SYTL3: variants seen among roughly 807,000 people sequenced by gnomAD.
SYTL3 encodes synaptotagmin-like protein 3.
SYTL3 carries 88 observed loss-of-function variants against 82.1 expected under a neutral mutation model. The observed-to-expected ratio is 1.07, with a 90% CI of 0.90 to 1.28. The LOEUF (loss-of-function observed/expected upper bound fraction) is 1.28. Ranked by LOEUF, SYTL3 falls within the 50% of genes most tolerant of loss-of-function variation. The pLI is 0.00. For synonymous variants in SYTL3, 311 were observed against 289.4 expected (o/e 1.07, Z -0.76); for missense variants, 831 against 757.6 (o/e 1.10, Z -1.14).
At chr6:158,658,581 C>T (rs958628902) in intron 2 of SYTL3, among the ~76,000 whole-genome samples, 5 of 152,130 alleles carry the variant, frequency 3.3e-5, no homozygotes, top group African/African-American at 4.8e-5. Context: ...CCTCTTGGAT[C>T]GTTGCAAAAA....
intron 16 of SYTL3, 42 bp from the exon 17 acceptor site, chr6:158,763,262 G>T (rs373723948): frequency 5.0e-6 from 8 of 1,592,222 alleles, no homozygotes; most frequent in Non-Finnish European, 6.9e-6. Flanking sequence ...AGAGAAGGCC[G>T]TGTGGATGGC....
chr6:158,752,638 A>G (rs1254380431), intron 13 of SYTL3, among the ~76,000 whole-genome samples: 3 of 152,226 alleles, frequency 2.0e-5, no homozygotes, highest in African/African-American at 7.2e-5. Context: ...GAGGTCTGGT[A>G]TCTGCAGAGA....
At chr6:158,668,750 A>G (rs541904621) in intron 5 of SYTL3, among the ~76,000 whole-genome samples, 8 of 152,290 alleles carry the variant, frequency 5.3e-5, no homozygotes, top group Admixed American at 2.0e-4. Flanking sequence ...GTGATGGAGA[A>G]TGGGAGAGAC....
At chr6:158,730,028 C>A (rs1785211377) in intron 11 of SYTL3, among the ~76,000 whole-genome samples, 1 of 152,132 alleles carries the variant, frequency 6.6e-6, no homozygotes, top group African/African-American at 2.4e-5. Context: ...GGAATAAGTA[C>A]ATTCTGTGTC....
At position 158,760,741 on chromosome 6, in the gene SYTL3, A is replaced by G. The variant is rs775383709; in HGVS notation, c.1410A>G (p.Gln470=). The G allele has an allele frequency of 1.2e-6, 2 of 1,613,142 alleles. No individual in the cohort carries two copies. Among genetic ancestry groups the G allele is most frequent in the Non-Finnish European group, 1.7e-6 (2 of 1,179,218 alleles). Residue 470 remains glutamine, a synonymous_variant, in exon 15 of 18, where the codon CAA becomes CAG. Coordinates refer to ENST00000611299, the MANE Select transcript of SYTL3 (RefSeq NM_001242394.2). ...GGCCCAGAAAACTCCAAGAGGCTCA[A>G]GAAGGTCAGTGGCCTCCAGCTCCCT... is the stretch of plus-strand genomic sequence containing the variant. ...PSRPRKLQEA[Q]EGTDQPSLHG... is the part of the protein sequence containing the mutation.
At chr6:158,730,092 C>G (rs181145104) in intron 11 of SYTL3, among the ~76,000 whole-genome samples, 3 of 152,332 alleles carry the variant, frequency 2.0e-5, no homozygotes, top group Admixed American at 2.0e-4. Flanking sequence ...CACATTCCAG[C>G]TTGCAGCCTA....
In SYTL3 at chr6:158,745,515, G is replaced by T; in HGVS notation, c.891G>T (p.Glu297Asp). The T allele has an allele frequency of 6.2e-7, 1 of 1,613,384 alleles. No homozygotes were observed. Among genetic ancestry groups the T allele is most frequent in the Non-Finnish European group, 8.5e-7 (1 of 1,179,870 alleles). ...SLISIDSTCT[E>D]MGNFDNANVT... Reference sequence around the variant, plus strand: ...TTAGCATTGACAGCACCTGTACAGAGATGGGCAATTTTGACAATGCTAATG... The same window carrying T: ...TTAGCATTGACAGCACCTGTACAGATATGGGCAATTTTGACAATGCTAATG... The change falls in exon 12 of 18, where the codon GAG (glutamate) becomes GAT (aspartate). Residue 297 changes from glutamate to aspartate, a missense_variant. Glu to Asp is a conservative substitution (Grantham distance 45, BLOSUM62 2). Transcript: ENST00000611299.
At chr6:158,697,333 C>G (rs978739985) in intron 6 of SYTL3, among the ~76,000 whole-genome samples, 5 of 151,184 alleles carry the variant, frequency 3.3e-5, no homozygotes, top group Admixed American at 1.3e-4. Context: ...GCCTGTGGTC[C>G]CAGCTACTTG....
Position 158,682,920 on chromosome 6 carries a change from T to G in SYTL3, c.330-5T>G. On this transcript the variant is annotated splice_polypyrimidine_tract_variant and splice_region_variant and intron_variant, in intron 5 of 17. Transcript: ENST00000611299. ...CTGAAGCTTCCTTTCTGCTCATTTT[T>G]TCAGGAATGTCAAAATAAAAACTGG... 6.2e-7 allele frequency: 1 copy of G among 1,611,838 alleles called. No homozygotes were observed.
At chr6:158,662,525 C>T (rs1372139014) in intron 3 of SYTL3, among the ~76,000 whole-genome samples, 4 of 152,194 alleles carry the variant, frequency 2.6e-5, no homozygotes, top group Non-Finnish European at 5.9e-5. Flanking sequence ...TTTACGTCCT[C>T]TGACCACTAA....
chr6:158,694,620 A>G (rs187086656), intron 6 of SYTL3, among the ~76,000 whole-genome samples: 86 of 152,298 alleles, frequency 5.6e-4, no homozygotes, highest in Admixed American at 3.4e-3. Context: ...TGATTTCATG[A>G]TGCCTTTGGC....
At chr6:158,648,397 C>G (rs1288321641), upstream of SYTL3, among the ~76,000 whole-genome samples, 2 of 151,964 alleles carry the variant, frequency 1.3e-5, no homozygotes, top group Admixed American at 1.3e-4. Context: ...CGAGACCATC[C>G]TGGCTAACAC....
intron 14 of SYTL3, among the ~76,000 whole-genome samples, chr6:158,758,048 C>T (rs1179718217): frequency 1.3e-5 from 2 of 152,110 alleles, no homozygotes; most frequent in Non-Finnish European, 2.9e-5. Flanking sequence ...CTCGGAGACG[C>T]TGCTTTGTAC....
At chr6:158,681,016 A>G (rs1028356151) in intron 5 of SYTL3, among the ~76,000 whole-genome samples, 33 of 152,202 alleles carry the variant, frequency 2.2e-4, no homozygotes, top group Admixed American at 6.5e-5. Flanking sequence ...ACTTGAGTTC[A>G]TGTATAGCCT....
chr6:158,656,448 G>A (rs780203480), intron 2 of SYTL3, among the ~76,000 whole-genome samples: 2 of 152,180 alleles, frequency 1.3e-5, no homozygotes, highest in Admixed American at 6.5e-5. Flanking sequence ...ATCCTTGGCC[G>A]GGTGCGATGG....
At chr6:158,760,924 C>T (rs1224707774) in intron 15 of SYTL3, among the ~76,000 whole-genome samples, 179 bp downstream of exon 15, 1 of 152,152 alleles carries the variant, frequency 6.6e-6, no homozygotes, top group African/African-American at 2.4e-5. Flanking sequence ...TCTCTGGAGC[C>T]CGTAGTGGGG....
rs1456644948 is a variant in SYTL3, at chr6:158,764,547, G to A, written c.1776G>A (p.Trp592Ter). The A allele has an allele frequency of 1.2e-6, 2 of 1,614,134 alleles. No homozygotes were observed. Among genetic ancestry groups the A allele is most frequent in the African/African-American group, 1.3e-5 (1 of 75,032 alleles). ...GDACSLSKLQWQKVLSSPNLW... is the reference protein window; with the variant it reads ...GDACSLSKLQ ...CATGCTCACTATCGAAGCTCCAGTG[G>A]CAGAAAGTCCTTTCCAGCCCCAATC... The change falls in exon 18 of 18, where the codon TGG becomes TGA. Residue 592 changes from tryptophan to a stop codon, truncating the protein, a stop_gained. Coordinates refer to ENST00000611299, the MANE Select transcript of SYTL3 (RefSeq NM_001242394.2). LOFTEE classifies it high-confidence loss of function.
intron 6 of SYTL3, among the ~76,000 whole-genome samples, chr6:158,702,046 C>T (rs760876537): frequency 6.6e-6 from 1 of 152,012 alleles, no homozygotes; most frequent in Admixed American, 6.6e-5. Flanking sequence ...GATTATAGCT[C>T]ACTGTAGCCT....
rs551451455 is a variant in SYTL3, at chr6:158,692,108, A to G, written c.394+9119A>G. Among the ~76,000 whole-genome samples, 12 of 148,414 alleles carry G rather than the reference A, an allele frequency of 8.1e-5. No individual in the cohort carries two copies. In the South Asian group the frequency reaches 2.1e-3, roughly 26 times the overall value. ...CCGTCTCTACTAAAAATACACAAAA[A>G]TTAGCCGGGCGTGGTGGCGGGCGCC... On this transcript the variant is annotated intron_variant, in intron 6 of 17. Coordinates refer to ENST00000611299, the MANE Select transcript of SYTL3 (RefSeq NM_001242394.2).
Sources: allele counts gnomAD v4.1 joint callset (sites outside exome capture counted in the v4.1 genomes callset), GRCh38; gene constraint gnomAD v4.1.1; transcripts MANE v1.5; gene names NCBI Gene and HGNC (gene_info 2026-07-23, HGNC 2026-07-21).